Variants in LANCL2 observed in about 807,000 individuals in gnomAD.
LANCL2 encodes the protein LanC like glutathione S-transferase 2.
Under a neutral mutation model 56.9 loss-of-function variants are expected in LANCL2, and 33 were observed. The ratio of observed to expected loss-of-function variants is 0.58; its 90% CI spans 0.44 to 0.78. The LOEUF (loss-of-function observed/expected upper bound fraction) is 0.78, where lower values mean the gene tolerates loss of function less well. Ranked by LOEUF, LANCL2 falls within the 30% of genes least tolerant of loss-of-function variation. LANCL2 has a pLI of 0.00. For synonymous variants in LANCL2, 233 were observed against 228.2 expected, an observed-to-expected ratio of 1.02 and a Z score of -0.19; for missense variants, 562 against 580.2, an observed-to-expected ratio of 0.97 and a Z score of 0.32.
Position 55,366,036 on chromosome 7 carries a change from C to A in LANCL2, c.11C>A (p.Thr4Asn). The A allele has an allele frequency of 6.7e-7, 1 of 1,488,256 alleles. No individual in the cohort carries two copies. Among genetic ancestry groups the A allele is most frequent in the Non-Finnish European group, 9.0e-7 (1 of 1,113,406 alleles). 92.2% of individuals were successfully genotyped at this position (1,488,256 alleles called of 1,614,324 possible). Reference sequence around the variant, plus strand: ...CGTACCGCGGCGGAGATGGGCGAGACCATGTCAAAGAGGCTGAAGCTCCAC... The same window carrying A: ...CGTACCGCGGCGGAGATGGGCGAGAACATGTCAAAGAGGCTGAAGCTCCAC... Reference protein sequence around the residue: MGETMSKRLKLHLG... With the variant: MGENMSKRLKLHLG... Residue 4 changes from threonine (T) to asparagine (N), a missense_variant, in exon 1 of 9, where the codon ACC becomes AAC. Thr to Asn is a moderately conservative substitution (Grantham distance 65). This residue lies in a region of LANCL2 where 184 missense variants were observed against 111.8 expected (regional missense o/e 1.65). Transcript: ENST00000254770.
At chr7:55,398,353 A>G in intron 2 of LANCL2, 70 bp from the exon 3 acceptor site, 2 of 1,143,932 alleles carry the variant, frequency 1.7e-6, no homozygotes, top group Non-Finnish European at 2.6e-6. Context: ...TCATGTAATT[A>G]TAAATAATGT....
chr7:55,420,556 A>G (rs899867255), intron 6 of LANCL2, among the ~76,000 whole-genome samples: 1 of 152,242 alleles, frequency 6.6e-6, no homozygotes, highest in African/African-American at 2.4e-5. Flanking sequence ...CAGTTAGGCC[A>G]ATGGTTGGAT....
chr7:55,365,997 C>T lies in LANCL2; in HGVS notation c.-29C>T. Reference sequence around the variant, plus strand: ...TGCAGCGCCGGGACAGGAGGTTTGTCCCCGCCCGCGCGCCGTACCGCGGCG... The same window carrying T: ...TGCAGCGCCGGGACAGGAGGTTTGTTCCCGCCCGCGCGCCGTACCGCGGCG... On this transcript the variant is annotated 5_prime_UTR_variant, in exon 1 of 9. Transcript: ENST00000254770. The T allele has an allele frequency of 1.4e-6, 2 of 1,410,876 alleles. No homozygotes were observed. Among genetic ancestry groups the T allele is most frequent in the Non-Finnish European group, 1.9e-6 (2 of 1,075,374 alleles). The allele number at this position is 1,410,876 out of a possible 1,614,324, so 87.4% of individuals were successfully genotyped here.
intron 6 of LANCL2, among the ~76,000 whole-genome samples, chr7:55,421,576 C>G (rs541887363): frequency 6.2e-4 from 94 of 152,282 alleles, no homozygotes; most frequent in African/African-American, 2.2e-3. Flanking sequence ...CTCCTGACCT[C>G]AGGTAATCCG....
intron 1 of LANCL2, among the ~76,000 whole-genome samples, chr7:55,377,753 A>G (rs1790019393): frequency 6.6e-6 from 1 of 152,164 alleles, no homozygotes; most frequent in Non-Finnish European, 1.5e-5. Flanking sequence ...GGAAAAGAAC[A>G]TTTTCTTCCC....
At chr7:55,425,002 A>G (rs1485622373) in intron 6 of LANCL2, among the ~76,000 whole-genome samples, 2 of 152,192 alleles carry the variant, frequency 1.3e-5, no homozygotes, top group Non-Finnish European at 1.5e-5. Flanking sequence ...CTTCCTGGCC[A>G]TTGAAAAATG....
chr7:55,374,903 C>G (rs1013706034), intron 1 of LANCL2, among the ~76,000 whole-genome samples: 7 of 152,152 alleles, frequency 4.6e-5, no homozygotes, highest in African/African-American at 1.7e-4. Flanking sequence ...AAGTTATTTT[C>G]TCTTAGCTTC....
intron 2 of LANCL2, among the ~76,000 whole-genome samples, chr7:55,393,588 T>C (rs1790216841): frequency 6.6e-6 from 1 of 152,084 alleles, no homozygotes; most frequent in African/African-American, 2.4e-5. Context: ...GACAGAGATA[T>C]ACATGTTAGA....
At chr7:55,426,127 C>T (rs1010983628) in intron 7 of LANCL2, among the ~76,000 whole-genome samples, 2 of 152,158 alleles carry the variant, frequency 1.3e-5, no homozygotes, top group Non-Finnish European at 2.9e-5. Context: ...CTTTGAGACC[C>T]CCCAAGTGGA....
intron 1 of LANCL2, among the ~76,000 whole-genome samples, chr7:55,372,640 A>T (rs2128990969): frequency 6.6e-6 from 1 of 152,344 alleles, no homozygotes; most frequent in Admixed American, 6.5e-5. Flanking sequence ...TACATAGGTG[A>T]ATAGTAAGAG....
In LANCL2 at chr7:55,365,806, G is replaced by A; in HGVS notation, c.-220G>A. The A allele has an allele frequency of 2.3e-6, 1 of 433,652 alleles. No individual in the cohort carries two copies. Among genetic ancestry groups the A allele is most frequent in the Non-Finnish European group, 4.1e-6 (1 of 244,570 alleles). The allele number at this position is 433,652 out of a possible 1,614,324, so 26.9% of individuals were successfully genotyped here. A position where few individuals can be genotyped will look rare whatever the true frequency, so the allele number is the denominator to read the frequency against. On this transcript the variant is annotated 5_prime_UTR_variant, in exon 1 of 9. Coordinates refer to ENST00000254770, the MANE Select transcript of LANCL2 (RefSeq NM_018697.4). Reference sequence around the variant, plus strand: ...GCAGGGCAAAGGCGCCAGGAACAGGGCAGAGGCACAGCGCCCACCGCCTCT... The same window carrying A: ...GCAGGGCAAAGGCGCCAGGAACAGGACAGAGGCACAGCGCCCACCGCCTCT...
intron 5 of LANCL2, among the ~76,000 whole-genome samples, chr7:55,411,033 T>G (rs1462079056): frequency 6.6e-6 from 1 of 151,688 alleles, no homozygotes; most frequent in Non-Finnish European, 1.5e-5. Flanking sequence ...CACCCTAAAG[T>G]CATTTTGTGG....
intron 1 of LANCL2, among the ~76,000 whole-genome samples, chr7:55,371,479 A>T (rs1246579763): frequency 6.6e-6 from 1 of 152,286 alleles, no homozygotes; most frequent in Non-Finnish European, 1.5e-5. Context: ...CCCAGCTCAT[A>T]TGCTGCTGTT....
At chr7:55,423,090 G>A (rs917930236) in intron 6 of LANCL2, among the ~76,000 whole-genome samples, 3 of 152,226 alleles carry the variant, frequency 2.0e-5, no homozygotes, top group African/African-American at 7.2e-5. Flanking sequence ...CATGGATTTT[G>A]TAGCCCATGT....
chr7:55,393,517 G>A (rs1583750725), intron 2 of LANCL2, among the ~76,000 whole-genome samples: 2 of 151,640 alleles, frequency 1.3e-5, no homozygotes, highest in East Asian at 1.9e-4. Context: ...GGCAACAGGA[G>A]TGAGACCCTG....
chr7:55,396,604 C>G (rs1039486338), intron 2 of LANCL2, among the ~76,000 whole-genome samples: 8 of 152,358 alleles, frequency 5.3e-5, no homozygotes, highest in Non-Finnish European at 8.8e-5. Context: ...CAGGCGCGTG[C>G]TCCCCAGCAC....
At chr7:55,431,127 C>A in intron 8 of LANCL2, 99 bp from the exon 9 acceptor site, 1 of 796,008 alleles carries the variant, frequency 1.3e-6, no homozygotes, top group East Asian at 2.7e-5. Context: ...GCACCTTTCC[C>A]ACATGCTTGC....
At position 55,432,247 on chromosome 7, in the gene LANCL2, G is replaced by A. The variant is rs199794782; in HGVS notation, c.*927G>A. On this transcript the variant is annotated 3_prime_UTR_variant, in exon 9 of 9. Coordinates refer to ENST00000254770, the MANE Select transcript of LANCL2 (RefSeq NM_018697.4). ...CAGATTAACAGAAAGACACTCAACT[G>A]GACTCATGTCCCTGCAATTAAACTT... 2.4e-4 allele frequency: 37 copies of A among 152,284 alleles called. No individual in the cohort carries two copies. The East Asian group carries it at 3.1e-3, about 13-fold the overall frequency. 9.4% of individuals were successfully genotyped at this position (152,284 alleles called of 1,614,324 possible).
chr7:55,371,782 A>G (rs1336366043), intron 1 of LANCL2, among the ~76,000 whole-genome samples: 1 of 152,202 alleles, frequency 6.6e-6, no homozygotes, highest in Admixed American at 6.5e-5. Flanking sequence ...TTAATTTTCC[A>G]TATTTTTGTT....
Sources: allele counts gnomAD v4.1 joint callset (sites outside exome capture counted in the v4.1 genomes callset), GRCh38; gene constraint gnomAD v4.1.1; regional missense constraint gnomAD v4.1.1; transcripts MANE v1.5; gene names NCBI Gene and HGNC (gene_info 2026-07-23, HGNC 2026-07-21).